PCDH11X: variants seen among roughly 807,000 people sequenced by gnomAD.
The protein encoded by PCDH11X is protocadherin 11 X-linked.
PCDH11X carries 18 observed loss-of-function variants against 53.3 expected under a neutral mutation model. The ratio of observed to expected loss-of-function variants is 0.34; its 90% CI spans 0.23 to 0.50. The LOEUF (loss-of-function observed/expected upper bound fraction) is 0.50. PCDH11X is among the 20% of genes least tolerant of loss of function. The pLI is 0.98. For synonymous variants in PCDH11X, 279 were observed against 393.3 expected, an observed-to-expected ratio of 0.71 and a Z score of 3.44; for missense variants, 570 against 1,032.4, an observed-to-expected ratio of 0.55 and a Z score of 6.14.
At chrX:92,611,112 GT>G (rs112023877) in intron 10 of PCDH11X, among the ~76,000 whole-genome samples, 31,910 of 100,150 alleles carry the variant, frequency 0.32, 4,956 homozygotes, top group African/African-American at 0.57. Flanking sequence ...TTTTAGAACA[GT>G]TTTTTTTTTT....
rs373132686 is a variant in PCDH11X at position 92,399,953 on chromosome X, G to A, written c.3343+12020G>A. ...TTTTTAGTAGAGATAGTGTTTCACC[G>A]TGTTAGCCAGGATGGTTTCGATCTC... On this transcript the variant is annotated intron_variant, in intron 9 of 10. Transcript: ENST00000682573. 1.4e-4 allele frequency among the ~76,000 whole-genome samples: 15 copies of A among 103,879 alleles called. No homozygotes were observed. The South Asian group carries it at 3.2e-3, about 22-fold the overall frequency. The allele number at this position is 103,879 out of a possible 115,157, so 90.2% of individuals were successfully genotyped here. A position where few individuals can be genotyped will look rare whatever the true frequency, so the allele number is the denominator to read the frequency against.
At chrX:91,908,587 T>A (rs1309120257) in intron 6 of PCDH11X, among the ~76,000 whole-genome samples, 1 of 110,475 alleles carries the variant, frequency 9.1e-6, no homozygotes, top group Non-Finnish European at 1.9e-5. Context: ...GTGGATCAAC[T>A]GAGGTCAGGA....
chrX:92,355,772 A>G (rs1428373371), intron 8 of PCDH11X, among the ~76,000 whole-genome samples: 1 of 109,437 alleles, frequency 9.1e-6, no homozygotes, highest in Non-Finnish European at 1.9e-5. Flanking sequence ...GGTCCATTTG[A>G]AAGGATTTGG....
chrX:92,609,302 G>A (rs189651495), intron 10 of PCDH11X, among the ~76,000 whole-genome samples: 3 of 111,525 alleles, frequency 2.7e-5, no homozygotes, highest in East Asian at 5.6e-4. Flanking sequence ...TTTTTCAAGT[G>A]TATGTTTAGC....
At chrX:92,353,212 G>A (rs1214884636) in intron 8 of PCDH11X, among the ~76,000 whole-genome samples, 2 of 111,881 alleles carry the variant, frequency 1.8e-5, no homozygotes, top group East Asian at 5.7e-4. Context: ...GATAGACAAT[G>A]AAAATTGGCA....
At chrX:91,890,294 A>AATGTT (rs930596550) in intron 6 of PCDH11X, among the ~76,000 whole-genome samples, 3 of 111,497 alleles carry the variant, frequency 2.7e-5, no homozygotes, top group Non-Finnish European at 5.7e-5. Flanking sequence ...CTACATTTAC[A>AATGTT]ATGTTATTGT....
chrX:91,956,759 T>C (rs144944860), intron 6 of PCDH11X, among the ~76,000 whole-genome samples: 9,419 of 108,206 alleles, frequency 0.087, 587 homozygotes, highest in African/African-American at 0.18. Flanking sequence ...CATGGAGTAT[T>C]TTACTGGGGT....
At chrX:92,579,600 T>G (rs1275555720) in intron 10 of PCDH11X, among the ~76,000 whole-genome samples, 1 of 111,450 alleles carries the variant, frequency 9.0e-6, no homozygotes, top group Non-Finnish European at 1.9e-5. Flanking sequence ...TCGGGTCATT[T>G]GTTTTTCTCT....
chrX:92,271,488 G>A (rs777401164), intron 8 of PCDH11X, among the ~76,000 whole-genome samples: 3 of 111,973 alleles, frequency 2.7e-5, no homozygotes, highest in Admixed American at 9.5e-5. Flanking sequence ...CAAAGGTCCC[G>A]TTACAGATTT....
At chrX:92,277,141 A>T (rs1299884000) in intron 8 of PCDH11X, among the ~76,000 whole-genome samples, 1 of 109,368 alleles carries the variant, frequency 9.1e-6, no homozygotes, top group Non-Finnish European at 1.9e-5. Flanking sequence ...GATTAGAAAG[A>T]CTCAGTGACG....
chrX:91,855,322 G>A (rs1406152649), intron 5 of PCDH11X, among the ~76,000 whole-genome samples: 2 of 111,227 alleles, frequency 1.8e-5, no homozygotes, highest in African/African-American at 6.6e-5. Flanking sequence ...GTGAGGATTT[G>A]TTTCTGGGTT....
intron 6 of PCDH11X, among the ~76,000 whole-genome samples, chrX:92,191,250 T>C (rs2066187410): frequency 8.9e-6 from 1 of 112,430 alleles, no homozygotes; most frequent in Admixed American, 9.5e-5. Context: ...TTAACCTACA[T>C]TTATTTCCAG....
rs1439813217 is a variant in PCDH11X, at chrX:92,608,116, A to C, written c.3368-10148A>C. Among the ~76,000 whole-genome samples, 3 of 108,803 alleles carry C rather than the reference A, an allele frequency of 2.8e-5. No homozygotes were observed. In the East Asian group the frequency reaches 8.6e-4, roughly 31 times the overall value. 94.5% of individuals were successfully genotyped at this position (108,803 alleles called of 115,157 possible). A position where few individuals can be genotyped will look rare whatever the true frequency, so the allele number is the denominator to read the frequency against. On this transcript the variant is annotated intron_variant, in intron 10 of 10. Coordinates refer to ENST00000682573, the MANE Select transcript of PCDH11X (RefSeq NM_032968.5). ...GGACTCTATAACAAATTGAATCTCTATTTTTAGTTTTTAAAATTATGTACA... is the reference window on the plus strand; with the variant it reads ...GGACTCTATAACAAATTGAATCTCTCTTTTTAGTTTTTAAAATTATGTACA...
intron 9 of PCDH11X, among the ~76,000 whole-genome samples, chrX:92,431,019 C>T: frequency 9.1e-6 from 1 of 109,990 alleles, no homozygotes; most frequent in Non-Finnish European, 1.9e-5. Context: ...TGCAGCTTTA[C>T]CTGCAGGAGG....
intron 8 of PCDH11X, among the ~76,000 whole-genome samples, chrX:92,280,243 A>G (rs2068217732): frequency 9.0e-6 from 1 of 111,668 alleles, no homozygotes; most frequent in Admixed American, 9.6e-5. Context: ...CTAATGATGC[A>G]TTTCTTAGAA....
chrX:91,966,151 G>A (rs1479022020), intron 6 of PCDH11X, among the ~76,000 whole-genome samples: 1 of 101,009 alleles, frequency 9.9e-6, no homozygotes. Flanking sequence ...TCAGTTCTTT[G>A]ATTTTTTTTT....
At chrX:92,142,464 C>A (rs2148218662) in intron 6 of PCDH11X, among the ~76,000 whole-genome samples, 1 of 109,919 alleles carries the variant, frequency 9.1e-6, no homozygotes. Context: ...AGGTGATCTG[C>A]CGGCCTCAGC....
At chrX:92,107,596 C>T in intron 6 of PCDH11X, among the ~76,000 whole-genome samples, 1 of 112,217 alleles carries the variant, frequency 8.9e-6, no homozygotes, top group East Asian at 2.8e-4. Flanking sequence ...ATTAGCAGGG[C>T]ATGGTTGGCA....
At chrX:91,860,212 G>T (rs753686068) in intron 5 of PCDH11X, among the ~76,000 whole-genome samples, 1 of 107,486 alleles carries the variant, frequency 9.3e-6, no homozygotes. Flanking sequence ...CTAGGTATTT[G>T]ATTCTCTTTG....
Sources: allele counts gnomAD v4.1 joint callset (sites outside exome capture counted in the v4.1 genomes callset), GRCh38; gene constraint gnomAD v4.1.1; transcripts MANE v1.5; gene names NCBI Gene and HGNC (gene_info 2026-07-23, HGNC 2026-07-21).